PDE1C: variants seen among roughly 807,000 people sequenced by gnomAD.
PDE1C encodes dual specificity calcium/calmodulin-dependent 3',5'-cyclic nucleotide phosphodiesterase 1C.
A neutral mutation model predicts 93.1 loss-of-function variants in PDE1C; 62 were observed. The observed-to-expected ratio is 0.67, with a 90% CI of 0.54 to 0.82. The LOEUF (loss-of-function observed/expected upper bound fraction) is 0.82, where lower values mean the gene tolerates loss of function less well. PDE1C is among the 40% of genes least tolerant of loss of function. The probability of loss-of-function intolerance (pLI) is 0.00; values close to 1 mark genes in which losing one functional copy is unlikely to be tolerated. For missense variants in PDE1C, 742 were observed against 884.6 expected, an observed-to-expected ratio of 0.84 and a Z score of 2.04; for synonymous variants, 325 against 310.1, an observed-to-expected ratio of 1.05 and a Z score of -0.50.
chr7:32,420,529 T>A (rs988488752), intron 1 of PDE1C, among the ~76,000 whole-genome samples: 4 of 146,072 alleles, frequency 2.7e-5, no homozygotes, highest in African/African-American at 1.0e-4. Context: ...ACTCCAGCCT[T>A]GGCAACAGAG....
At chr7:31,814,885 A>T (rs1344977103) in intron 15 of PDE1C, among the ~76,000 whole-genome samples, 1 of 151,780 alleles carries the variant, frequency 6.6e-6, no homozygotes, top group Non-Finnish European at 1.5e-5. Flanking sequence ...GCACAGCTTG[A>T]CTTGAATCTA....
chr7:31,668,668 C>T, the PDE1C span, among the ~76,000 whole-genome samples: 1 of 152,046 alleles, frequency 6.6e-6, no homozygotes, highest in South Asian at 2.1e-4. Flanking sequence ...TTGTCTACGG[C>T]TGGAGAATGG....
chr7:32,251,497 C>T (rs1052867244), intron 1 of PDE1C, among the ~76,000 whole-genome samples: 1 of 152,178 alleles, frequency 6.6e-6, no homozygotes, highest in African/African-American at 2.4e-5. Flanking sequence ...AGCCTGTCTG[C>T]GCCTTTCCAG....
chr7:32,342,853 C>T (rs1230267613), intron 1 of PDE1C, among the ~76,000 whole-genome samples: 2 of 152,180 alleles, frequency 1.3e-5, no homozygotes, highest in Non-Finnish European at 2.9e-5. Context: ...CTTTCTTATG[C>T]AGAAATGTTC....
chr7:32,329,886 A>T (rs1783478065), intron 1 of PDE1C, among the ~76,000 whole-genome samples: 1 of 152,238 alleles, frequency 6.6e-6, no homozygotes, highest in Admixed American at 6.5e-5. Flanking sequence ...ATGGATTACT[A>T]ACAGCTTCAG....
At chr7:31,883,899 T>A (rs1341547738) in intron 2 of PDE1C, among the ~76,000 whole-genome samples, 2 of 152,170 alleles carry the variant, frequency 1.3e-5, no homozygotes, top group Admixed American at 6.5e-5. Context: ...CAGGCAGACA[T>A]TAGGCAGTCA....
At chr7:32,117,009 C>A (rs1799020762) in intron 3 of PDE1C, among the ~76,000 whole-genome samples, 1 of 152,174 alleles carries the variant, frequency 6.6e-6, no homozygotes, top group Non-Finnish European at 1.5e-5. Context: ...CAAGTTATTG[C>A]TCAACTACAC....
chr7:31,658,106 A>G, the PDE1C span, among the ~76,000 whole-genome samples: 3 of 152,362 alleles, frequency 2.0e-5, no homozygotes, highest in South Asian at 6.2e-4. Flanking sequence ...CCCAAGTTGC[A>G]TCATGGAGAC....
intron 2 of PDE1C, among the ~76,000 whole-genome samples, chr7:31,965,686 A>T: frequency 6.6e-6 from 1 of 152,206 alleles, no homozygotes; most frequent in East Asian, 1.9e-4. Context: ...ATGAAAGAAA[A>T]AATGTTAAGG....
chr7:31,990,740 G>T (rs1784052796), intron 2 of PDE1C, among the ~76,000 whole-genome samples: 1 of 152,114 alleles, frequency 6.6e-6, no homozygotes, highest in African/African-American at 2.4e-5. Flanking sequence ...ATCTGCTTTG[G>T]TAAGGGTTAC....
At chr7:31,640,750 G>A in the PDE1C span, among the ~76,000 whole-genome samples, 1 of 151,794 alleles carries the variant, frequency 6.6e-6, no homozygotes, top group Non-Finnish European at 1.5e-5. Flanking sequence ...GTCTCATTTA[G>A]ATCTATGACT....
chr7:31,881,789 G>A (rs1464235040), intron 2 of PDE1C, among the ~76,000 whole-genome samples: 2 of 152,102 alleles, frequency 1.3e-5, no homozygotes, highest in African/African-American at 4.8e-5. Context: ...AATTTCTAAA[G>A]TTGACCTAAA....
chr7:32,210,272 T>C (rs992428006), intron 1 of PDE1C, among the ~76,000 whole-genome samples: 1 of 152,234 alleles, frequency 6.6e-6, no homozygotes, highest in South Asian at 2.1e-4. Flanking sequence ...TTAAATACCA[T>C]GTTTCATGCC....
intron 2 of PDE1C, among the ~76,000 whole-genome samples, chr7:31,889,004 G>T (rs1433273537): frequency 1.3e-5 from 2 of 152,122 alleles, no homozygotes; most frequent in Non-Finnish European, 2.9e-5. Context: ...ATTGAGAGAA[G>T]TTTAAATGAC....
chr7:32,357,917 T>C (rs539129444), intron 1 of PDE1C, among the ~76,000 whole-genome samples: 1 of 152,330 alleles, frequency 6.6e-6, no homozygotes, highest in East Asian at 1.9e-4. Flanking sequence ...ATCTGGAGAC[T>C]CAAAGTGTTC....
intron 2 of PDE1C, among the ~76,000 whole-genome samples, chr7:31,922,797 A>G (rs1407729553): frequency 6.6e-6 from 1 of 152,202 alleles, no homozygotes; most frequent in African/African-American, 2.4e-5. Flanking sequence ...AAAAATGTCA[A>G]TTTTCAAGAT....
chr7:32,013,047 T>G (rs553239970), intron 2 of PDE1C, among the ~76,000 whole-genome samples: 1 of 152,320 alleles, frequency 6.6e-6, no homozygotes, highest in East Asian at 1.9e-4. Context: ...AAAGCAAATT[T>G]GAAAGCCAAG....
the PDE1C span, among the ~76,000 whole-genome samples, chr7:31,673,823 AATT>A: frequency 6.6e-6 from 1 of 152,128 alleles, no homozygotes; most frequent in African/African-American, 2.4e-5. Context: ...ATTTTGATGA[AATT>A]ATAATATCAG....
intron 2 of PDE1C, among the ~76,000 whole-genome samples, chr7:32,028,696 T>G (rs968658466): frequency 6.6e-6 from 1 of 152,144 alleles, no homozygotes; most frequent in African/African-American, 2.4e-5. Flanking sequence ...TAATTTTTTT[T>G]GTGGTAAGAA....
Sources: allele counts gnomAD v4.1 joint callset (sites outside exome capture counted in the v4.1 genomes callset), GRCh38; gene constraint gnomAD v4.1.1; transcripts MANE v1.5; gene names NCBI Gene and HGNC (gene_info 2026-07-23, HGNC 2026-07-21).